The following WNT10A variants were observed in gnomAD, a reference collection of about 807,000 sequenced individuals.
WNT10A encodes Wnt family member 10A, also known as protein Wnt-10a.
WNT10A carries 37 observed loss-of-function variants against 36.1 expected under a neutral mutation model. The observed-to-expected ratio is 1.02, with a 90% CI of 0.79 to 1.35. The LOEUF (loss-of-function observed/expected upper bound fraction) is 1.35, where lower values mean the gene tolerates loss of function less well. WNT10A is among the 40% of genes most tolerant of loss of function. WNT10A has a pLI of 0.00. For synonymous variants in WNT10A, 255 were observed against 254.1 expected (o/e 1.00, Z -0.03); for missense variants, 613 against 601.4 (o/e 1.02, Z -0.20).
intron 2 of WNT10A, among the ~76,000 whole-genome samples, chr2:218,886,678 G>T (rs1350138689): frequency 2.4e-5 from 3 of 125,258 alleles, no homozygotes; most frequent in Non-Finnish European, 4.9e-5. Context: ...AGCTGGCCAT[G>T]GCCCCACCCG....
At chr2:218,881,744 G>A (rs943967702) in intron 1 of WNT10A, among the ~76,000 whole-genome samples, 3 of 152,190 alleles carry the variant, frequency 2.0e-5, no homozygotes, top group African/African-American at 4.8e-5. Context: ...GTGCATGTGC[G>A]TAAGTGTGCT....
Position 218,893,188 on chromosome 2 carries a change from C to T in WNT10A, c.1171C>T (p.Arg391Cys). Residue 391 changes from arginine (R) to cysteine (C), a missense_variant, in exon 4 of 4, where the codon CGC becomes TGC. Arg to Cys is a radical substitution (Grantham distance 180). Transcript: ENST00000258411. The surrounding 1 kb of genome is among the most constrained non-coding windows in gnomAD (Gnocchi z 6.3). ...CATCCTGCGCCAGACGCGCAGCGAGCGCTGCCACTGCCGCTTCCACTGGTG... is the reference window on the plus strand; with the variant it reads ...CATCCTGCGCCAGACGCGCAGCGAGTGCTGCCACTGCCGCTTCCACTGGTG... The part of the protein sequence containing the change: ...HNILRQTRSE[R>C]CHCRFHWCCF... The T allele has an allele frequency of 6.3e-7, 1 of 1,579,260 alleles. No individual in the cohort carries two copies. The highest frequency in any genetic ancestry group is 1.3e-5 in the African/African-American group (1 of 74,616).
intron 2 of WNT10A, among the ~76,000 whole-genome samples, chr2:218,883,200 C>G (rs1196332446): frequency 2.0e-5 from 3 of 152,134 alleles, no homozygotes; most frequent in Admixed American, 2.0e-4. Context: ...TATCTCAGGC[C>G]TTGACTTTTG....
Position 218,882,322 on chromosome 2 carries a change from C to T in WNT10A, c.275C>T (p.Ala92Val), listed in dbSNP as rs1553622317. The T allele has an allele frequency of 6.2e-7, 1 of 1,614,170 alleles. No homozygotes were observed. The highest frequency in any genetic ancestry group is 8.5e-7 in the Non-Finnish European group (1 of 1,180,028). ...TCAGCCATACAGGGCATCCAGATCG[C>T]CATCCACGAATGCCAACACCAATTC... is the stretch of plus-strand genomic sequence containing the variant. ...AASAIQGIQI[A>V]IHECQHQFRD... The change falls in exon 2 of 4, where the codon GCC becomes GTC. Residue 92 changes from alanine (A) to valine (V), a missense_variant. Ala to Val is a moderately conservative substitution (Grantham distance 64). Coordinates refer to ENST00000258411, the MANE Select transcript of WNT10A (RefSeq NM_025216.3).
At chr2:218,889,393 A>C (rs1944618734) in intron 2 of WNT10A, among the ~76,000 whole-genome samples, 1 of 152,218 alleles carries the variant, frequency 6.6e-6, no homozygotes, top group Non-Finnish European at 1.5e-5. Flanking sequence ...ATGCGTGTGC[A>C]AGTATCTTTT....
upstream of WNT10A, among the ~76,000 whole-genome samples, chr2:218,876,530 T>G (rs1043802370): frequency 3.3e-5 from 5 of 152,254 alleles, 1 homozygote; most frequent in Admixed American, 6.5e-5. Flanking sequence ...TGCCTCCTCT[T>G]GGCTCCCTTG....
At chr2:218,884,486 TC>T (rs1347877244) in intron 2 of WNT10A, among the ~76,000 whole-genome samples, 1 of 152,040 alleles carries the variant, frequency 6.6e-6, no homozygotes, top group East Asian at 1.9e-4. Flanking sequence ...TGGCTTCCGC[TC>T]CCCAGCTCCC....
Position 218,880,872 on chromosome 2 carries a change from C to T in WNT10A, c.-124C>T, listed in dbSNP as rs1207090849. 8.0e-7 allele frequency: 1 copy of T among 1,242,690 alleles called. No individual in the cohort carries two copies. The highest frequency in any genetic ancestry group is 1.1e-6 in the Non-Finnish European group (1 of 938,198). 77.0% of individuals were successfully genotyped at this position (1,242,690 alleles called of 1,614,324 possible). On this transcript the variant is annotated 5_prime_UTR_variant, in exon 1 of 4. Transcript: ENST00000258411. The surrounding 1 kb of genome is among the most constrained non-coding windows in gnomAD (Gnocchi z 7.7). ...GCGCCGTCTGCTCCGGGAGCCCTGA[C>T]CCGAGTCGGAGCTGTGTGTCGCAGC...
rs987726023 is a variant in WNT10A, at chr2:218,881,512, G to A, written c.113+404G>A. ...GGCTGGAAGGGGGTAGCCCAGGTGGGGTCAGTGAGAGACTGCAGCTGCAAG... is the reference window on the plus strand; with the variant it reads ...GGCTGGAAGGGGGTAGCCCAGGTGGAGTCAGTGAGAGACTGCAGCTGCAAG... On this transcript the variant is annotated intron_variant, in intron 1 of 3. Transcript: ENST00000258411. Among the ~76,000 whole-genome samples the A allele has an allele frequency of 2.0e-5, 3 of 151,872 alleles. No individual in the cohort carries two copies. The South Asian group carries it at 6.2e-4, about 32-fold the overall frequency.
upstream of WNT10A, among the ~76,000 whole-genome samples, chr2:218,879,766 C>T (rs889817728): frequency 3.3e-5 from 5 of 152,202 alleles, no homozygotes; most frequent in Admixed American, 6.5e-5. Context: ...TCTCGCTCTT[C>T]CGCTAATTTG....
At chr2:218,886,584 C>T (rs889882575) in intron 2 of WNT10A, among the ~76,000 whole-genome samples, 1 of 152,118 alleles carries the variant, frequency 6.6e-6, no homozygotes, top group Non-Finnish European at 1.5e-5. Context: ...TGTCCCAGAT[C>T]AAAGGCAGGG....
At chr2:218,885,836 G>T (rs1415651336) in intron 2 of WNT10A, among the ~76,000 whole-genome samples, 1 of 140,744 alleles carries the variant, frequency 7.1e-6, no homozygotes, top group African/African-American at 3.3e-5. Flanking sequence ...GATCACCTAA[G>T]GTTCAATTAT....
Position 218,893,318 on chromosome 2 carries a change from C to G in WNT10A, c.*47C>G. ...CCTGATCGAGGTCCCCTCCTGGAGC[C>G]TGGCCCTCTGAGGCTTACGGTCTTG... On this transcript the variant is annotated 3_prime_UTR_variant, in exon 4 of 4. Coordinates refer to ENST00000258411, the MANE Select transcript of WNT10A (RefSeq NM_025216.3). This position sits in a 1 kb window ranked among gnomAD's most constrained non-coding sequence, Gnocchi z 6.3. 1 of 1,520,346 alleles carries G rather than the reference C, an allele frequency of 6.6e-7. No homozygotes were observed. The highest frequency in any genetic ancestry group is 2.4e-5 in the East Asian group (1 of 40,924). 94.2% of individuals were successfully genotyped at this position (1,520,346 alleles called of 1,614,324 possible). A position where few individuals can be genotyped will look rare whatever the true frequency, so the allele number is the denominator to read the frequency against.
chr2:218,892,773 G>C lies in WNT10A; in HGVS notation c.757-1G>C. The C allele has an allele frequency of 6.3e-7, 1 of 1,588,498 alleles. No individual in the cohort carries two copies. Among genetic ancestry groups the C allele is most frequent in the Non-Finnish European group, 8.6e-7 (1 of 1,168,588 alleles). The stretch of plus-strand genomic sequence containing the variant: ...ACCCCTCACGGTGCCTCCCTCCGCA[G>C]GCAGTGATGGAGAACATGCGGCGGA... On this transcript the variant is annotated splice_acceptor_variant, in intron 3 of 3. Transcript: ENST00000258411. LOFTEE classifies it high-confidence loss of function.
At chr2:218,892,710 C>A (rs1463104841) in intron 3 of WNT10A, 64 bp from the exon 4 acceptor site, 2 of 1,545,392 alleles carry the variant, frequency 1.3e-6, no homozygotes, top group African/African-American at 2.7e-5. Flanking sequence ...GCAGGCCAGG[C>A]TAAGCGCTGG....
chr2:218,876,257 G>A (rs1184927717), upstream of WNT10A, among the ~76,000 whole-genome samples: 2 of 152,178 alleles, frequency 1.3e-5, no homozygotes, highest in East Asian at 1.9e-4. Flanking sequence ...GTACTACCAT[G>A]CCTGGGATTG....
intron 2 of WNT10A, 133 bp downstream of exon 2, chr2:218,882,556 C>A: frequency 8.3e-7 from 1 of 1,202,402 alleles, no homozygotes; most frequent in Non-Finnish European, 1.2e-6. Flanking sequence ...GTTGGCCCTG[C>A]TGCTCTCCTT....
At chr2:218,882,115 C>A in intron 1 of WNT10A, 46 bp from the exon 2 acceptor site, 3 of 1,593,010 alleles carry the variant, frequency 1.9e-6, no homozygotes, top group Non-Finnish European at 2.6e-6. Context: ...TGGGGCTCTC[C>A]TGGTCCCCCC....
chr2:218,886,725 G>A (rs957478044), intron 2 of WNT10A, among the ~76,000 whole-genome samples: 2 of 151,326 alleles, frequency 1.3e-5, no homozygotes, highest in African/African-American at 4.9e-5. Flanking sequence ...CAGTGCCTGT[G>A]TCTGCCCCAG....
Sources: gnomAD v4.1 joint callset for allele counts (sites outside exome capture counted in the v4.1 genomes callset) on GRCh38, gnomAD v4.1.1 for gene constraint, Gnocchi (gnomAD v3.1) non-coding constraint, MANE v1.5 for transcripts, NCBI Gene and HGNC (gene_info 2026-07-23, HGNC 2026-07-21) for gene names.